The following SIGLECL1 variants were observed in gnomAD, a reference collection of about 807,000 sequenced individuals.
The protein encoded by SIGLECL1 is SIGLEC family-like protein 1.
Under a neutral mutation model 19.1 loss-of-function variants are expected in SIGLECL1, and 16 were observed. That is an observed-to-expected ratio of 0.84 (90% CI 0.57 to 1.27). SIGLECL1 has a LOEUF of 1.27. SIGLECL1 is among the 50% of genes most tolerant of loss of function. The pLI is 0.00. For synonymous variants in SIGLECL1, 89 were observed against 90.4 expected (o/e 0.98, Z 0.09); for missense variants, 210 against 239.4 (o/e 0.88, Z 0.81).
chr19:51,263,706 C>G (rs539843118), intron 1 of SIGLECL1, among the ~76,000 whole-genome samples, 177 bp from the exon 2 acceptor site: 90 of 151,708 alleles, frequency 5.9e-4, no homozygotes, highest in South Asian at 2.1e-3. Context: ...TGCAGTGAGC[C>G]GAGATCGAGC....
upstream of SIGLECL1, among the ~76,000 whole-genome samples, chr19:51,247,847 T>C (rs1423091276): frequency 6.6e-6 from 1 of 152,232 alleles, no homozygotes; most frequent in Non-Finnish European, 1.5e-5. Context: ...CCAGTAAAAC[T>C]TGTTTAATCC....
At chr19:51,266,650 C>T (rs1983696684) in intron 4 of SIGLECL1, among the ~76,000 whole-genome samples, 1 of 152,036 alleles carries the variant, frequency 6.6e-6, no homozygotes, top group Non-Finnish European at 1.5e-5. Flanking sequence ...ATGTCAGGTG[C>T]ATTGAGAGTA....
chr19:51,258,890 C>T (rs1983001644), intron 1 of SIGLECL1, among the ~76,000 whole-genome samples: 1 of 152,144 alleles, frequency 6.6e-6, no homozygotes, highest in Non-Finnish European at 1.5e-5. Flanking sequence ...GGTCCCCCAT[C>T]AAGTCTGCTA....
At chr19:51,259,343 C>T (rs1212519072) in intron 1 of SIGLECL1, among the ~76,000 whole-genome samples, 3 of 152,174 alleles carry the variant, frequency 2.0e-5, no homozygotes, top group South Asian at 2.1e-4. Context: ...AGTTCCCCTA[C>T]GTACTATTAT....
intron 1 of SIGLECL1, among the ~76,000 whole-genome samples, chr19:51,263,251 A>G (rs535931316): frequency 6.6e-6 from 1 of 152,276 alleles, no homozygotes; most frequent in East Asian, 1.9e-4. Context: ...TCTACATGGG[A>G]TATAAAAGGG....
At chr19:51,263,862 A>C in intron 1 of SIGLECL1, 21 bp from the exon 2 acceptor site, 1 of 533,740 alleles carries the variant, frequency 1.9e-6, no homozygotes, top group Non-Finnish European at 3.3e-6. Context: ...CTCTCATCCC[A>C]TATAATTCCT....
chr19:51,255,749 A>C (rs1982762623), intron 1 of SIGLECL1, among the ~76,000 whole-genome samples: 1 of 152,220 alleles, frequency 6.6e-6, no homozygotes, highest in South Asian at 2.1e-4. Flanking sequence ...ATCACCTTAT[A>C]CCTATTAGAT....
chr19:51,257,451 CT>C (rs1982891560), intron 1 of SIGLECL1, among the ~76,000 whole-genome samples: 3 of 152,100 alleles, frequency 2.0e-5, no homozygotes, highest in Middle Eastern at 3.4e-3. Flanking sequence ...AACACTACCC[CT>C]GGTATACTCC....
intron 1 of SIGLECL1, among the ~76,000 whole-genome samples, chr19:51,257,221 A>G (rs945412692): frequency 1.3e-5 from 2 of 152,062 alleles, no homozygotes; most frequent in African/African-American, 4.8e-5. Context: ...AGCCTGGGCA[A>G]CATAACAAGA....
chr19:51,247,517 C>T (rs1194748826), upstream of SIGLECL1, among the ~76,000 whole-genome samples: 1 of 151,924 alleles, frequency 6.6e-6, no homozygotes, highest in Non-Finnish European at 1.5e-5. Context: ...CTCCTGGGTT[C>T]AAGCAATTCT....
At chr19:51,258,741 G>T (rs139388037) in intron 1 of SIGLECL1, among the ~76,000 whole-genome samples, 28 of 152,306 alleles carry the variant, frequency 1.8e-4, no homozygotes, top group Non-Finnish European at 3.5e-4. Flanking sequence ...TTCCAAGAGG[G>T]TGGAAATCTT....
At chr19:51,263,672 C>T (rs1983402895) in intron 1 of SIGLECL1, among the ~76,000 whole-genome samples, 1 of 152,112 alleles carries the variant, frequency 6.6e-6, no homozygotes, top group South Asian at 2.1e-4. Context: ...GCAGAAGAGT[C>T]GCTTGAACAT....
At chr19:51,266,300 A>G (rs1307900156) in intron 4 of SIGLECL1, among the ~76,000 whole-genome samples, 5 of 152,208 alleles carry the variant, frequency 3.3e-5, no homozygotes, top group African/African-American at 1.2e-4. Flanking sequence ...AGGCACCGAC[A>G]TAATGCCACA....
At chr19:51,257,268 T>C (rs1982872388) in intron 1 of SIGLECL1, among the ~76,000 whole-genome samples, 1 of 151,946 alleles carries the variant, frequency 6.6e-6, no homozygotes, top group Non-Finnish European at 1.5e-5. Flanking sequence ...TAGTCAGGCA[T>C]GGTGGCACAT....
intron 1 of SIGLECL1, among the ~76,000 whole-genome samples, chr19:51,255,234 T>C (rs1035048810): frequency 6.8e-6 from 1 of 147,376 alleles, no homozygotes; most frequent in Non-Finnish European, 1.5e-5. Flanking sequence ...CACTCCAGCC[T>C]GGGCAACAGA....
chr19:51,259,244 G>A (rs1983035132), intron 1 of SIGLECL1, among the ~76,000 whole-genome samples: 1 of 152,292 alleles, frequency 6.6e-6, no homozygotes, highest in South Asian at 2.1e-4. Flanking sequence ...ATGAAAATTG[G>A]AATGTTTGGA....
upstream of SIGLECL1, among the ~76,000 whole-genome samples, chr19:51,249,399 G>GC (rs1982365901): frequency 6.6e-6 from 1 of 152,058 alleles, no homozygotes. Flanking sequence ...GGCCTGCTCT[G>GC]CAAGCTGTAA....
Position 51,265,386 on chromosome 19 carries a change from A to T in SIGLECL1, c.41A>T (p.Asn14Ile), listed in dbSNP as rs1362255543. Reference sequence around the variant, plus strand: ...CCCACAGTACCTGCTAAGCTGCTCAACTCCTCTTGCTCCTTGGAGAAGACA... The same window carrying T: ...CCCACAGTACCTGCTAAGCTGCTCATCTCCTCTTGCTCCTTGGAGAAGACA... ...LLQLVPAKLLNSSCSLEKTLQ... is the reference protein window; with the variant it reads ...LLQLVPAKLLISSCSLEKTLQ... The change falls in exon 3 of 6, where the codon AAC becomes ATC. Residue 14 changes from asparagine (N) to isoleucine (I), a missense_variant. By Grantham distance (149) the Asn-to-Ile change is moderately radical (BLOSUM62 -3). Transcript: ENST00000601727. 1 of 1,611,696 alleles carries T rather than the reference A, an allele frequency of 6.2e-7. No individual in the cohort carries two copies. The highest frequency in any genetic ancestry group is 1.3e-5 in the African/African-American group (1 of 74,836).
chr19:51,250,180 G>A (rs748732374), upstream of SIGLECL1, among the ~76,000 whole-genome samples: 17 of 151,898 alleles, frequency 1.1e-4, no homozygotes, highest in Non-Finnish European at 2.5e-4. Context: ...TCCACCTCGC[G>A]GATTCAAGCG....
Sources: gnomAD v4.1 joint callset for allele counts (sites outside exome capture counted in the v4.1 genomes callset) on GRCh38, gnomAD v4.1.1 for gene constraint, MANE v1.5 for transcripts, NCBI Gene and HGNC (gene_info 2026-07-23, HGNC 2026-07-21) for gene names.